The following CSMD1 variants were observed in gnomAD, a reference collection of about 807,000 sequenced individuals.
CSMD1 encodes the protein CUB and sushi domain-containing protein 1.
CSMD1 carries 213 observed loss-of-function variants against 417.5 expected under a neutral mutation model. The ratio of observed to expected loss-of-function variants is 0.51; its 90% CI spans 0.46 to 0.57. CSMD1 has a LOEUF of 0.57. Ranked by LOEUF, CSMD1 falls within the 20% of genes least tolerant of loss-of-function variation. CSMD1 has a pLI of 0.00. For missense variants in CSMD1, 6,923 were observed against 4,529.7 expected (o/e 1.53, Z -15.17); for synonymous variants, 2,862 against 1,736.8 (o/e 1.65, Z -16.11).
At chr8:4,244,674 T>A (rs955463588) in intron 3 of CSMD1, among the ~76,000 whole-genome samples, 2 of 152,162 alleles carry the variant, frequency 1.3e-5, no homozygotes, top group African/African-American at 4.8e-5. Flanking sequence ...AGATTTAAAT[T>A]GTGTTATTTT....
chr8:3,118,932 G>A (rs1020484250), intron 41 of CSMD1, among the ~76,000 whole-genome samples: 2 of 134,756 alleles, frequency 1.5e-5, no homozygotes, highest in Admixed American at 7.1e-5. Flanking sequence ...TGTAATCCCA[G>A]CACTCTGGGA....
At chr8:3,572,101 G>A (rs1339082499) in intron 10 of CSMD1, among the ~76,000 whole-genome samples, 2 of 152,158 alleles carry the variant, frequency 1.3e-5, no homozygotes, top group African/African-American at 4.8e-5. Context: ...GCTCCATCCT[G>A]CTAGGGATGG....
chr8:4,665,821 A>G (rs1029871605), intron 1 of CSMD1, among the ~76,000 whole-genome samples: 2 of 152,218 alleles, frequency 1.3e-5, no homozygotes, highest in Non-Finnish European at 2.9e-5. Flanking sequence ...GTAAATATTT[A>G]TGTAAAAGTC....
chr8:4,962,473 A>G (rs1231868932), intron 1 of CSMD1, among the ~76,000 whole-genome samples: 1 of 152,142 alleles, frequency 6.6e-6, no homozygotes, highest in Non-Finnish European at 1.5e-5. Flanking sequence ...GGCCATCTAA[A>G]GCTCTGAGAT....
chr8:3,029,124 C>T (rs892979825), intron 51 of CSMD1, among the ~76,000 whole-genome samples, 195 bp downstream of exon 51: 2 of 152,048 alleles, frequency 1.3e-5, no homozygotes, highest in South Asian at 2.1e-4. Flanking sequence ...AATGCCTAAT[C>T]GAGCAGCAAT....
chr8:3,021,370 A>G (rs1809372226), intron 51 of CSMD1, among the ~76,000 whole-genome samples: 1 of 152,242 alleles, frequency 6.6e-6, no homozygotes, highest in African/African-American at 2.4e-5. Context: ...ATTAATAAAG[A>G]TAGCAGCAAT....
At chr8:3,180,305 G>A (rs183575351) in intron 37 of CSMD1, among the ~76,000 whole-genome samples, 21 of 152,256 alleles carry the variant, frequency 1.4e-4, no homozygotes, top group South Asian at 2.1e-4. Flanking sequence ...TCGACTGTGC[G>A]ATGCCTTCCT....
intron 5 of CSMD1, among the ~76,000 whole-genome samples, chr8:3,875,700 G>T (rs1257043390): frequency 1.3e-5 from 2 of 152,148 alleles, no homozygotes; most frequent in Non-Finnish European, 2.9e-5. Context: ...TCTAGGGAGG[G>T]GGCAGAATCT....
intron 52 of CSMD1, among the ~76,000 whole-genome samples, chr8:3,008,982 G>A (rs1255376817): frequency 6.6e-6 from 1 of 152,196 alleles, no homozygotes; most frequent in African/African-American, 2.4e-5. Flanking sequence ...TTGGAAATGG[G>A]TTCCCTGATT....
At chr8:4,258,394 G>A (rs1201322515) in intron 3 of CSMD1, among the ~76,000 whole-genome samples, 1 of 2,910 alleles carries the variant, frequency 3.4e-4, no homozygotes, top group Non-Finnish European at 8.8e-4. Context: ...AGGGGAGGAT[G>A]GAAGGAGGGA....
At chr8:3,570,646 C>T (rs184073866) in intron 10 of CSMD1, among the ~76,000 whole-genome samples, 8 of 152,234 alleles carry the variant, frequency 5.3e-5, no homozygotes, top group African/African-American at 1.9e-4. Flanking sequence ...CTGACTCTGC[C>T]CCTTTGTTAT....
chr8:3,478,983 C>T (rs1191627703), intron 11 of CSMD1, among the ~76,000 whole-genome samples: 4 of 152,022 alleles, frequency 2.6e-5, no homozygotes, highest in South Asian at 2.1e-4. Flanking sequence ...CTCCGACCTC[C>T]CTCATCGCCT....
intron 30 of CSMD1, among the ~76,000 whole-genome samples, chr8:3,207,272 G>A (rs1186113443): frequency 4.8e-5 from 7 of 147,262 alleles, no homozygotes; most frequent in Non-Finnish European, 6.0e-5. Context: ...TCAGCCTCCC[G>A]AGTAGCTGCA....
chr8:4,034,151 AACATAGAG>A (rs1160426470), intron 3 of CSMD1, among the ~76,000 whole-genome samples: 12 of 152,216 alleles, frequency 7.9e-5, no homozygotes, highest in Non-Finnish European at 1.8e-4. Context: ...TAAACTGAGT[AACATAGAG>A]AACATTTTTA....
chr8:3,530,991 T>C (rs895202341), intron 10 of CSMD1, among the ~76,000 whole-genome samples: 5 of 151,756 alleles, frequency 3.3e-5, no homozygotes, highest in African/African-American at 1.2e-4. Context: ...TAGCTGGGAC[T>C]GCAGGCACAC....
At chr8:4,632,275 G>C (rs1445568538) in intron 2 of CSMD1, among the ~76,000 whole-genome samples, 1 of 152,282 alleles carries the variant, frequency 6.6e-6, no homozygotes, top group East Asian at 1.9e-4. Flanking sequence ...CACTTTGGGA[G>C]GCCGAGGTGG....
intron 1 of CSMD1, among the ~76,000 whole-genome samples, chr8:4,868,396 G>T (rs1184762328): frequency 6.6e-6 from 1 of 151,868 alleles, no homozygotes; most frequent in Admixed American, 6.6e-5. Flanking sequence ...CACTACACCC[G>T]ACTAATTTTT....
chr8:3,963,580 T>C (rs1812471349), intron 5 of CSMD1, among the ~76,000 whole-genome samples: 1 of 152,170 alleles, frequency 6.6e-6, no homozygotes. Context: ...TAAAATCTAC[T>C]AAGTAAACAA....
At chr8:4,593,122 T>A (rs1318159550) in intron 2 of CSMD1, among the ~76,000 whole-genome samples, 2 of 152,102 alleles carry the variant, frequency 1.3e-5, no homozygotes, top group African/African-American at 2.4e-5. Flanking sequence ...ATTCCTTTCT[T>A]AGGGTGAATG....
Sources: allele counts gnomAD v4.1 joint callset (sites outside exome capture counted in the v4.1 genomes callset), GRCh38; gene constraint gnomAD v4.1.1; transcripts MANE v1.5; gene names NCBI Gene and HGNC (gene_info 2026-07-23, HGNC 2026-07-21).